The following ENAH variants were observed in gnomAD, a reference collection of about 807,000 sequenced individuals.
ENAH encodes the protein protein enabled homolog.
In ENAH, 23 loss-of-function variants were observed where a neutral mutation model predicts 78.7. That is an observed-to-expected ratio of 0.29 (90% CI 0.21 to 0.41). The LOEUF (loss-of-function observed/expected upper bound fraction) is 0.41. ENAH is among the 10% of genes least tolerant of loss of function. The pLI is 1.00. For synonymous variants in ENAH, 226 were observed against 241.0 expected, an observed-to-expected ratio of 0.94 and a Z score of 0.58; for missense variants, 544 against 691.0, an observed-to-expected ratio of 0.79 and a Z score of 2.39.
chr1:225,525,474 T>C (rs1402255509), intron 4 of ENAH, among the ~76,000 whole-genome samples: 1 of 152,220 alleles, frequency 6.6e-6, no homozygotes, highest in East Asian at 1.9e-4. Flanking sequence ...TGGTCCAACA[T>C]AGCAGAACCA....
At position 225,512,695 on chromosome 1, in the gene ENAH, C is replaced by G; in HGVS notation, c.1384G>C (p.Gly462Arg). ...TTTTGTTCTGTTTCTATTGTTGATCCCTTTTCAGCAATTCTTCTCCTACAA... is the reference window on the plus strand; with the variant it reads ...TTTTGTTCTGTTTCTATTGTTGATCGCTTTTCAGCAATTCTTCTCCTACAA... ...LARRRRIAEK[G>R]STIETEQKED... The change falls in exon 9 of 14, where the codon GGA (glycine) becomes CGA (arginine). Residue 462 changes from glycine to arginine, a missense_variant. Gly to Arg is a moderately radical substitution (Grantham distance 125, BLOSUM62 -2). Coordinates refer to ENST00000366843, the MANE Select transcript of ENAH (RefSeq NM_018212.6). 3 of 1,613,682 alleles carry G rather than the reference C, an allele frequency of 1.9e-6. No individual in the cohort carries two copies. The highest frequency in any genetic ancestry group is 2.5e-6 in the Non-Finnish European group (3 of 1,179,856).
chr1:225,515,125 T>C (rs570748030), intron 6 of ENAH: 29 of 525,832 alleles, frequency 5.5e-5, no homozygotes, highest in East Asian at 1.8e-4. Context: ...GCTTTAGTAA[T>C]AGAACTATGC....
intron 1 of ENAH, among the ~76,000 whole-genome samples, chr1:225,569,359 G>A (rs1310579067): frequency 6.6e-6 from 1 of 152,158 alleles, no homozygotes; most frequent in Non-Finnish European, 1.5e-5. Flanking sequence ...AGCGTTAGGA[G>A]AAATAACCTA....
chr1:225,527,702 A>G (rs540779490), intron 4 of ENAH, among the ~76,000 whole-genome samples: 1 of 152,306 alleles, frequency 6.6e-6, no homozygotes, highest in South Asian at 2.1e-4. Flanking sequence ...TGGAGGGGGA[A>G]GGAGGAAGCG....
chr1:225,501,043 G>T lies in ENAH; in HGVS notation c.1566C>A (p.Pro522=). The T allele has an allele frequency of 6.2e-7, 1 of 1,614,098 alleles. No individual in the cohort carries two copies. The highest frequency in any genetic ancestry group is 1.3e-5 in the African/African-American group (1 of 75,034). The change falls in exon 12 of 14, where the codon CCC becomes CCA. Residue 522 remains proline, a synonymous_variant. Transcript: ENST00000366843. ...CTTCCGTCTGGACTCCATTGGCACT[G>T]GGCTGTGATAAGGGTGTGGATTTTG... ...SRPKSTPLSQ[P]SANGVQTEGL...
chr1:225,628,426 T>C (rs1168183738), intron 1 of ENAH, among the ~76,000 whole-genome samples: 2 of 152,192 alleles, frequency 1.3e-5, no homozygotes, highest in Admixed American at 6.5e-5. Context: ...ACAAAATCCC[T>C]GTAAACCACA....
At chr1:225,614,588 C>CACT (rs1194004532) in intron 1 of ENAH, among the ~76,000 whole-genome samples, 3 of 152,116 alleles carry the variant, frequency 2.0e-5, no homozygotes, top group Admixed American at 1.3e-4. Context: ...AATCACTGGC[C>CACT]ACTGGTTATC....
chr1:225,578,793 T>C (rs1268461105), intron 1 of ENAH, among the ~76,000 whole-genome samples: 1 of 152,172 alleles, frequency 6.6e-6, no homozygotes, highest in Non-Finnish European at 1.5e-5. Context: ...AAAAATCTTA[T>C]CAGTGAATTA....
chr1:225,611,314 A>G (rs2096987594), intron 1 of ENAH, among the ~76,000 whole-genome samples: 1 of 151,898 alleles, frequency 6.6e-6, no homozygotes, highest in Non-Finnish European at 1.5e-5. Context: ...TTATTTATTT[A>G]TTTACGTATT....
rs1575580987 is a variant in ENAH at position 225,574,484 on chromosome 1, C to T, written c.6-7070G>A. On this transcript the variant is annotated intron_variant, in intron 1 of 13. Transcript: ENST00000366843. ...AGGCATGGTGCCTCGTGCCTGTAGT[C>T]CCAGCTACTTGGGAGGCTGAGACAT... Among the ~76,000 whole-genome samples the T allele has an allele frequency of 2.0e-5, 3 of 152,016 alleles. No homozygotes were observed. In the South Asian group the frequency reaches 6.2e-4, roughly 32 times the overall value.
intron 2 of ENAH, among the ~76,000 whole-genome samples, chr1:225,562,079 C>T (rs1210018236): frequency 1.3e-5 from 2 of 151,984 alleles, no homozygotes; most frequent in African/African-American, 4.8e-5. Flanking sequence ...CGCGCCACTA[C>T]GTCTGGCTAA....
intron 1 of ENAH, among the ~76,000 whole-genome samples, chr1:225,623,259 C>T (rs1203969547): frequency 6.6e-6 from 1 of 152,056 alleles, no homozygotes; most frequent in East Asian, 1.9e-4. Flanking sequence ...TTATATTTCC[C>T]AATTTTTCTG....
chr1:225,629,084 C>T lies in ENAH; in HGVS notation c.5+23602G>A, dbSNP rs542820893. On this transcript the variant is annotated intron_variant, in intron 1 of 13. Coordinates refer to ENST00000366843, the MANE Select transcript of ENAH (RefSeq NM_018212.6). ...AACGAGGTCAAGAGTTCGGGACCAG[C>T]CTGGCCAACATGGTAAAACCCCATC... 9.2e-4 allele frequency among the ~76,000 whole-genome samples: 139 copies of T among 151,870 alleles called. 4 individuals are homozygous for T. Among genetic ancestry groups the T allele is most frequent in the Non-Finnish European group, 4.6e-4 (31 of 67,952 alleles).
intron 1 of ENAH, among the ~76,000 whole-genome samples, chr1:225,631,880 TC>T: frequency 6.6e-6 from 1 of 152,314 alleles, no homozygotes; most frequent in African/African-American, 2.4e-5. Flanking sequence ...CATCATTTGA[TC>T]CCTTCAGTTT....
Position 225,519,469 on chromosome 1 carries a change from T to G in ENAH, c.531A>C (p.Glu177Asp). Reference sequence around the variant, plus strand: ...GTCGCTCCCTCTCCAGCCTTTCCCTTTCTAACCTCTCTCTCTCCAACCTTT... The same window carrying G: ...GTCGCTCCCTCTCCAGCCTTTCCCTGTCTAACCTCTCTCTCTCCAACCTTT... ...ERERLERERL[E>D]RERLERERLE... The change falls in exon 5 of 14, where the codon GAA (glutamate) becomes GAC (aspartate). Residue 177 changes from glutamate (E) to aspartate (D), a missense_variant. This residue lies in a region of ENAH where 366 missense variants were observed against 396.1 expected (regional missense o/e 0.92). Coordinates refer to ENST00000366843, the MANE Select transcript of ENAH (RefSeq NM_018212.6). The G allele has an allele frequency of 1.9e-6, 3 of 1,611,502 alleles. No individual in the cohort carries two copies. The highest frequency in any genetic ancestry group is 2.5e-6 in the Non-Finnish European group (3 of 1,178,532).
Position 225,518,987 on chromosome 1 carries a change from GCTTT to G in ENAH, c.802+207_802+210del, listed in dbSNP as rs370703283. The G allele has an allele frequency of 2.4e-3, 1,817 of 749,682 alleles. 20 individuals carry two copies. In the East Asian group the frequency reaches 0.028, roughly 12 times the overall value. The allele number at this position is 749,682 out of a possible 1,614,324, so 46.4% of individuals were successfully genotyped here. A position where few individuals can be genotyped will look rare whatever the true frequency, so the allele number is the denominator to read the frequency against. On this transcript the variant is annotated intron_variant, in intron 5 of 13. Coordinates refer to ENST00000366843, the MANE Select transcript of ENAH (RefSeq NM_018212.6). ...AATGGCAGAATAAAAATTTCCAAGAGCTTTCTTTAAGTCTCCAAGCAATAAAAGC... is the reference window on the plus strand; with the variant it reads ...AATGGCAGAATAAAAATTTCCAAGAGCTTTAAGTCTCCAAGCAATAAAAGC...
intron 11 of ENAH, chr1:225,505,091 G>C: frequency 6.8e-7 from 1 of 1,462,836 alleles, no homozygotes; most frequent in Non-Finnish European, 9.5e-7. Context: ...ATACACAATA[G>C]AACTTTAAAA....
At chr1:225,513,125 C>A (rs1257196724) in intron 7 of ENAH, 109 bp from the exon 8 acceptor site, 46 of 988,760 alleles carry the variant, frequency 4.7e-5, no homozygotes, top group Admixed American at 9.3e-5. Context: ...TTTAAAAAAC[C>A]TAAATATTAT....
At chr1:225,615,167 G>A (rs889587446) in intron 1 of ENAH, among the ~76,000 whole-genome samples, 2 of 152,124 alleles carry the variant, frequency 1.3e-5, no homozygotes, top group African/African-American at 4.8e-5. Flanking sequence ...CTCAGCCTGC[G>A]GAGTGCCTGG....
Sources: allele counts gnomAD v4.1 joint callset (sites outside exome capture counted in the v4.1 genomes callset), GRCh38; gene constraint gnomAD v4.1.1; regional missense constraint gnomAD v4.1.1; transcripts MANE v1.5; gene names NCBI Gene and HGNC (gene_info 2026-07-23, HGNC 2026-07-21).